PPP2R5C: variants seen among roughly 807,000 people sequenced by gnomAD.
PPP2R5C encodes protein phosphatase 2 regulatory subunit B'gamma, also known as serine/threonine-protein phosphatase 2A 56 kDa regulatory subunit gamma isoform.
Under a neutral mutation model 68.9 loss-of-function variants are expected in PPP2R5C, and 7 were observed. The observed-to-expected ratio is 0.10, with a 90% CI of 0.06 to 0.19. PPP2R5C has a LOEUF of 0.19. Among genes scored for constraint, PPP2R5C ranks in the 10% least tolerant of loss-of-function variants. The pLI is 1.00. For synonymous variants in PPP2R5C, 210 were observed against 222.2 expected, an observed-to-expected ratio of 0.95 and a Z score of 0.49; for missense variants, 348 against 641.3, an observed-to-expected ratio of 0.54 and a Z score of 4.94.
At chr14:101,822,772 C>T (rs553035389) in intron 1 of PPP2R5C, among the ~76,000 whole-genome samples, 3 of 152,238 alleles carry the variant, frequency 2.0e-5, no homozygotes, top group African/African-American at 7.2e-5. Context: ...AAATCTTATG[C>T]GTCATTTAAA....
exon 14 of PPP2R5C, chr14:101,926,007 G>A (rs2047277107): frequency 6.6e-6 from 1 of 152,440 alleles, no homozygotes; most frequent in Admixed American, 6.5e-5. Context: ...AAAAGAGCTT[G>A]CTCTGTCTAC....
At chr14:101,919,508 A>G (rs531550020) in intron 13 of PPP2R5C, among the ~76,000 whole-genome samples, 128 of 152,134 alleles carry the variant, frequency 8.4e-4, no homozygotes, top group Non-Finnish European at 4.4e-5. Context: ...TTGCCTTTTT[A>G]TACCATTTTG....
intron 3 of PPP2R5C, among the ~76,000 whole-genome samples, chr14:101,787,565 C>T (rs1051899974): frequency 1.1e-4 from 16 of 150,912 alleles, no homozygotes; most frequent in Non-Finnish European, 1.8e-4. Context: ...AGATCAAGAC[C>T]ATCCTGGCTA....
rs1394834615 is a variant in PPP2R5C, at chr14:101,922,123, C to T, written c.1444-3018C>T. 5 of 985,262 alleles carry T rather than the reference C, an allele frequency of 5.1e-6. No individual in the cohort carries two copies. The Admixed American group carries it at 1.8e-4, about 36-fold the overall frequency. 61.0% of individuals were successfully genotyped at this position (985,262 alleles called of 1,614,324 possible). ...TCCAGGAGAAGAATTGACGAGTTAACGTGGACATGAAGTATTTTCCCTTTT... is the reference window on the plus strand; with the variant it reads ...TCCAGGAGAAGAATTGACGAGTTAATGTGGACATGAAGTATTTTCCCTTTT... On this transcript the variant is annotated intron_variant, in intron 13 of 13. Coordinates refer to ENST00000334743, the Ensembl canonical transcript of PPP2R5C.
upstream of PPP2R5C, chr14:101,760,622 A>C: frequency 2.8e-6 from 2 of 710,366 alleles, no homozygotes; most frequent in Non-Finnish European, 3.2e-6. Flanking sequence ...ACTGTCGGGT[A>C]GGCGGGACCT....
At chr14:101,918,468 G>A (rs1266712839) in intron 13 of PPP2R5C, among the ~76,000 whole-genome samples, 3 of 37,016 alleles carry the variant, frequency 8.1e-5, no homozygotes, top group African/African-American at 1.9e-4. Flanking sequence ...CATCCCCCTC[G>A]CTCCTCTGGC....
intron 2 of PPP2R5C, among the ~76,000 whole-genome samples, chr14:101,767,423 T>C (rs60336535): frequency 0.18 from 27,713 of 152,192 alleles, 3,395 homozygotes; most frequent in African/African-American, 0.34. Flanking sequence ...CAAGAGTTTT[T>C]ACCTGAGTAA....
intron 11 of PPP2R5C, 66 bp downstream of exon 13, chr14:101,909,756 C>T (rs1166340457): frequency 8.3e-7 from 1 of 1,211,402 alleles, no homozygotes; most frequent in Non-Finnish European, 1.2e-6. Flanking sequence ...TAAACCTCTT[C>T]CACTGTTTTG....
At chr14:101,798,917 T>C (rs1387788455) in intron 3 of PPP2R5C, among the ~76,000 whole-genome samples, 1 of 152,158 alleles carries the variant, frequency 6.6e-6, no homozygotes, top group East Asian at 1.9e-4. Flanking sequence ...GGGGTCTGTG[T>C]TCAGGGGAGA....
intron 1 of PPP2R5C, among the ~76,000 whole-genome samples, chr14:101,815,162 C>A (rs1001633230): frequency 6.6e-6 from 1 of 151,768 alleles, no homozygotes. Flanking sequence ...CCTTTTTTGT[C>A]CCCCCGGGAG....
chr14:101,866,388 G>A (rs1221831124), intron 2 of PPP2R5C, among the ~76,000 whole-genome samples: 1 of 152,250 alleles, frequency 6.6e-6, no homozygotes, highest in Non-Finnish European at 1.5e-5. Context: ...ACTCTACAGA[G>A]TACGGTGACC....
intron 1 of PPP2R5C, among the ~76,000 whole-genome samples, chr14:101,833,260 C>CT (rs886571620): frequency 3.6e-4 from 55 of 152,374 alleles, no homozygotes; most frequent in African/African-American, 1.3e-3. Context: ...CCAGAGGTCA[C>CT]TGGTGCTGCT....
intron 3 of PPP2R5C, among the ~76,000 whole-genome samples, chr14:101,802,186 G>T (rs769023553): frequency 6.6e-6 from 1 of 152,152 alleles, no homozygotes; most frequent in Non-Finnish European, 1.5e-5. Context: ...AGGCTGAGAC[G>T]GGCGGATCAC....
At chr14:101,860,581 A>G (rs1215155077) in intron 2 of PPP2R5C, among the ~76,000 whole-genome samples, 1 of 152,160 alleles carries the variant, frequency 6.6e-6, no homozygotes, top group Non-Finnish European at 1.5e-5. Flanking sequence ...TCATATGGTA[A>G]CTTTAACATT....
chr14:101,880,399 C>CA (rs1380306316), intron 2 of PPP2R5C, among the ~76,000 whole-genome samples: 1 of 152,128 alleles, frequency 6.6e-6, no homozygotes, highest in Non-Finnish European at 1.5e-5. Flanking sequence ...AGAACAAGCT[C>CA]AGATGCTTGA....
At chr14:101,919,969 C>CA (rs34641396) in intron 13 of PPP2R5C, among the ~76,000 whole-genome samples, 8,974 of 51,584 alleles carry the variant, frequency 0.17, 593 homozygotes, top group East Asian at 0.28. Context: ...AACTCCGTCT[C>CA]AAAAAAAAAA....
At chr14:101,845,094 T>C (rs1378596307) in intron 1 of PPP2R5C, among the ~76,000 whole-genome samples, 1 of 152,078 alleles carries the variant, frequency 6.6e-6, no homozygotes, top group Non-Finnish European at 1.5e-5. Context: ...ATTTATATCT[T>C]TATCCCTAGG....
intron 11 of PPP2R5C, among the ~76,000 whole-genome samples, chr14:101,909,906 T>G (rs1170631598): frequency 6.6e-6 from 1 of 152,252 alleles, no homozygotes; most frequent in African/African-American, 2.4e-5. Flanking sequence ...ATTGCCAGAT[T>G]AATCATCTTT....
intron 5 of PPP2R5C, among the ~76,000 whole-genome samples, chr14:101,884,441 G>A (rs997051629): frequency 6.6e-6 from 1 of 152,210 alleles, no homozygotes; most frequent in African/African-American, 2.4e-5. Flanking sequence ...CCTTCTACCT[G>A]TGCATCACCT....
Sources: allele counts gnomAD v4.1 joint callset (sites outside exome capture counted in the v4.1 genomes callset), GRCh38; gene constraint gnomAD v4.1.1; transcripts MANE v1.5; gene names NCBI Gene and HGNC (gene_info 2026-07-23, HGNC 2026-07-21).